PPP2R5A: variants seen among roughly 807,000 people sequenced by gnomAD.
PPP2R5A encodes protein phosphatase 2 regulatory subunit B'alpha, also known as serine/threonine-protein phosphatase 2A 56 kDa regulatory subunit alpha isoform.
PPP2R5A carries 25 observed loss-of-function variants against 64.2 expected under a neutral mutation model. That is an observed-to-expected ratio of 0.39 (90% CI 0.28 to 0.54). The LOEUF is 0.54. PPP2R5A is among the 20% of genes least tolerant of loss of function. PPP2R5A has a pLI of 0.67. For missense variants in PPP2R5A, 425 were observed against 576.3 expected, an observed-to-expected ratio of 0.74 and a Z score of 2.69; for synonymous variants, 198 against 201.2, an observed-to-expected ratio of 0.98 and a Z score of 0.13.
intron 1 of PPP2R5A, among the ~76,000 whole-genome samples, chr1:212,294,574 A>C (rs1224222229): frequency 6.6e-6 from 1 of 152,234 alleles, no homozygotes. Flanking sequence ...TCTAGTACAG[A>C]AATCTTTTCC....
intron 12 of PPP2R5A, among the ~76,000 whole-genome samples, chr1:212,359,701 A>G (rs902723567): frequency 2.6e-5 from 4 of 152,212 alleles, no homozygotes; most frequent in African/African-American, 9.7e-5. Context: ...TGGTTATCTT[A>G]AAGTAGAAAA....
At chr1:212,351,480 G>A (rs1468963468) in intron 8 of PPP2R5A, among the ~76,000 whole-genome samples, 1 of 152,158 alleles carries the variant, frequency 6.6e-6, no homozygotes, top group Admixed American at 6.5e-5. Flanking sequence ...TTGGGAGGCT[G>A]AGGCAGGCAG....
chr1:212,353,787 TATTAA>T (rs1411631089), intron 8 of PPP2R5A, among the ~76,000 whole-genome samples: 3 of 152,240 alleles, frequency 2.0e-5, no homozygotes, highest in African/African-American at 7.2e-5. Flanking sequence ...ATTGAAATTA[TATTAA>T]ATTTACTTAT....
At chr1:212,330,145 T>C (rs908928852) in intron 2 of PPP2R5A, among the ~76,000 whole-genome samples, 1 of 152,226 alleles carries the variant, frequency 6.6e-6, no homozygotes, top group Non-Finnish European at 1.5e-5. Flanking sequence ...TGTTTATTAA[T>C]AATTCAACCT....
intron 1 of PPP2R5A, among the ~76,000 whole-genome samples, chr1:212,289,850 G>C (rs886696878): frequency 6.6e-6 from 1 of 152,116 alleles, no homozygotes; most frequent in Non-Finnish European, 1.5e-5. Flanking sequence ...TCAGTTTTCA[G>C]ATATGATTTA....
At chr1:212,324,094 A>T (rs1348597392) in intron 1 of PPP2R5A, among the ~76,000 whole-genome samples, 1 of 152,124 alleles carries the variant, frequency 6.6e-6, no homozygotes, top group East Asian at 1.9e-4. Context: ...AATGTGTAAC[A>T]TGTTCTTAAA....
chr1:212,348,338 G>A (rs1659819799), intron 6 of PPP2R5A, 51 bp from the exon 7 acceptor site: 1 of 1,197,460 alleles, frequency 8.4e-7, no homozygotes, highest in East Asian at 2.3e-5. Flanking sequence ...ACAGCTTTTA[G>A]AAACAAAGTA....
At chr1:212,316,173 A>G (rs12080796) in intron 1 of PPP2R5A, among the ~76,000 whole-genome samples, 1 of 152,202 alleles carries the variant, frequency 6.6e-6, no homozygotes, top group African/African-American at 2.4e-5. Flanking sequence ...ATCAGAAGCT[A>G]GAAATGATTA....
intron 8 of PPP2R5A, among the ~76,000 whole-genome samples, chr1:212,351,571 G>C (rs536481120): frequency 6.6e-6 from 1 of 151,920 alleles, no homozygotes; most frequent in South Asian, 2.1e-4. Flanking sequence ...AAAATTAGCC[G>C]GGCGTGATGG....
In PPP2R5A at chr1:212,333,429, C is replaced by G. The variant is rs575487853; in HGVS notation, c.379-68C>G. The G allele has an allele frequency of 1.2e-5, 12 of 1,020,654 alleles. No individual in the cohort carries two copies. The East Asian group carries it at 3.4e-4, about 29-fold the overall frequency. 63.2% of individuals were successfully genotyped at this position (1,020,654 alleles called of 1,614,324 possible). ...TTTTCTGAAAGTGATCTTTAAAATACTTCGTTTTGAATTGTCCAATTCAAT... is the reference window on the plus strand; with the variant it reads ...TTTTCTGAAAGTGATCTTTAAAATAGTTCGTTTTGAATTGTCCAATTCAAT... On this transcript the variant is annotated intron_variant, in intron 2 of 12. Coordinates refer to ENST00000261461, the MANE Select transcript of PPP2R5A (RefSeq NM_006243.4).
At chr1:212,355,728 G>C (rs967685603) in intron 8 of PPP2R5A, among the ~76,000 whole-genome samples, 3 of 151,532 alleles carry the variant, frequency 2.0e-5, no homozygotes, top group Non-Finnish European at 4.4e-5. Context: ...GGCATTTCTG[G>C]AATAAGTTAC....
intron 1 of PPP2R5A, among the ~76,000 whole-genome samples, chr1:212,307,126 G>A (rs1286417527): frequency 2.6e-5 from 4 of 151,766 alleles, no homozygotes; most frequent in Non-Finnish European, 4.4e-5. Context: ...TTTACTTTCC[G>A]TTTTCTCTGT....
Position 212,299,056 on chromosome 1 carries a change from C to A in PPP2R5A, c.181+12765C>A, listed in dbSNP as rs1361181767. 0.011 allele frequency among the ~76,000 whole-genome samples: 288 copies of A among 25,810 alleles called. 136 individuals carry two copies. The African/African-American group carries it at 0.14, about 12-fold the overall frequency. 16.9% of individuals were successfully genotyped at this position (25,810 alleles called of 152,430 possible). On this transcript the variant is annotated intron_variant, in intron 1 of 12. Coordinates refer to ENST00000261461, the MANE Select transcript of PPP2R5A (RefSeq NM_006243.4). ...GGGGCGGCTGGCCGACACCCCCCCC[C>A]CCCGCCTCCCTCCCGGACGGGGCGG...
intron 2 of PPP2R5A, 117 bp from the exon 3 acceptor site, chr1:212,333,380 G>C (rs2102435500): frequency 3.7e-6 from 2 of 541,346 alleles, no homozygotes; most frequent in East Asian, 6.7e-5. Context: ...TACAGATTTT[G>C]AACTAAGCTT....
At chr1:212,301,953 C>T in intron 1 of PPP2R5A, 1 of 1,343,804 alleles carries the variant, frequency 7.4e-7, no homozygotes, top group Non-Finnish European at 9.7e-7. Context: ...GAAATGATTC[C>T]TGCTACTTCA....
chr1:212,311,607 A>AT (rs1466135261), intron 1 of PPP2R5A, among the ~76,000 whole-genome samples: 3 of 152,186 alleles, frequency 2.0e-5, no homozygotes, highest in African/African-American at 7.2e-5. Flanking sequence ...ACAAAAAAAA[A>AT]AGTTAGCTGT....
At chr1:212,317,757 G>A (rs1659185775) in intron 1 of PPP2R5A, among the ~76,000 whole-genome samples, 1 of 152,038 alleles carries the variant, frequency 6.6e-6, no homozygotes, top group African/African-American at 2.4e-5. Flanking sequence ...GGAGGCCGAG[G>A]CAGGCGGATC....
intron 1 of PPP2R5A, among the ~76,000 whole-genome samples, chr1:212,314,158 A>C (rs1659100049): frequency 6.6e-6 from 1 of 152,172 alleles, no homozygotes; most frequent in Non-Finnish European, 1.5e-5. Flanking sequence ...GACCGCATGG[A>C]GAGGCTATAT....
At chr1:212,336,527 A>T (rs1659596748) in intron 3 of PPP2R5A, among the ~76,000 whole-genome samples, 1 of 152,218 alleles carries the variant, frequency 6.6e-6, no homozygotes, top group Middle Eastern at 3.2e-3. Context: ...AGATATAGTT[A>T]AAAAATCTTT....
Sources: allele counts gnomAD v4.1 joint callset (sites outside exome capture counted in the v4.1 genomes callset), GRCh38; gene constraint gnomAD v4.1.1; transcripts MANE v1.5; gene names NCBI Gene and HGNC (gene_info 2026-07-23, HGNC 2026-07-21).